Variants in OAS1 observed in about 807,000 individuals in gnomAD.
OAS1 encodes 2'-5'-oligoadenylate synthase 1.
A neutral mutation model predicts 38.5 loss-of-function variants in OAS1; 24 were observed. That is an observed-to-expected ratio of 0.62 (90% CI 0.45 to 0.88). The LOEUF (loss-of-function observed/expected upper bound fraction) is 0.88, where lower values mean the gene tolerates loss of function less well. Ranked by LOEUF, OAS1 falls within the 40% of genes least tolerant of loss-of-function variation. The probability of loss-of-function intolerance (pLI) is 0.00; values close to 1 mark genes in which losing one functional copy is unlikely to be tolerated. For synonymous variants in OAS1, 169 were observed against 193.9 expected, an observed-to-expected ratio of 0.87 and a Z score of 1.07; for missense variants, 482 against 493.9, an observed-to-expected ratio of 0.98 and a Z score of 0.23.
chr12:112,919,325 C>A, intron 5 of OAS1, 64 bp from the exon 6 acceptor site: 1 of 1,442,570 alleles, frequency 6.9e-7, no homozygotes, highest in African/African-American at 1.4e-5. Flanking sequence ...ACCGTAAATG[C>A]TCACTGAATC....
chr12:112,918,623 G>A (rs1174364480), intron 5 of OAS1: 3 of 455,724 alleles, frequency 6.6e-6, no homozygotes, highest in South Asian at 4.7e-5. Context: ...GAGAGGTGAG[G>A]TCACTTGCTC....
chr12:112,919,596 A>G lies in OAS1; in HGVS notation c.*43A>G, dbSNP rs1354251677. 4 of 1,613,970 alleles carry G rather than the reference A, an allele frequency of 2.5e-6. No homozygotes were observed. Among genetic ancestry groups the G allele is most frequent in the Non-Finnish European group, 3.4e-6 (4 of 1,180,006 alleles). On this transcript the variant is annotated 3_prime_UTR_variant, in exon 6 of 6. Transcript: ENST00000202917. ...GGGAAAGGGCTCCAGTGTTATCTGGACCAGTTCCTTCATTTTCAGGTGGGA... is the reference window on the plus strand; with the variant it reads ...GGGAAAGGGCTCCAGTGTTATCTGGGCCAGTTCCTTCATTTTCAGGTGGGA...
At chr12:112,920,296 CAT>C (rs2043521367), downstream of OAS1, among the ~76,000 whole-genome samples, 1 of 152,190 alleles carries the variant, frequency 6.6e-6, no homozygotes, top group African/African-American at 2.4e-5. Context: ...CCACTAGCCA[CAT>C]GTATCAAATG....
chr12:112,917,582 A>T lies in OAS1; in HGVS notation c.920A>T (p.Asn307Ile), dbSNP rs146339735. 416 of 1,614,156 alleles carry T rather than the reference A, an allele frequency of 2.6e-4. No homozygotes were observed. Among genetic ancestry groups the T allele is most frequent in the Middle Eastern group, 1.2e-3 (7 of 6,060 alleles). Residue 307 changes from asparagine (N) to isoleucine (I), a missense_variant, in exon 5 of 6, where the codon AAC (asparagine) becomes ATC (isoleucine). Transcript: ENST00000202917. Reference protein sequence around the residue: ...VILDPADPTGNLGGGDPKGWR... With the variant: ...VILDPADPTGILGGGDPKGWR... Reference sequence around the variant, plus strand: ...CTGGACCCGGCGGACCCTACAGGAAACTTGGGTGGTGGAGACCCAAAGGGT... The same window carrying T: ...CTGGACCCGGCGGACCCTACAGGAATCTTGGGTGGTGGAGACCCAAAGGGT...
chr12:112,929,391 T>C (rs2043583372), intron 6 of OAS1, among the ~76,000 whole-genome samples: 1 of 152,088 alleles, frequency 6.6e-6, no homozygotes, highest in African/African-American at 2.4e-5. Flanking sequence ...GGCAATCTCT[T>C]TGCCAAACAT....
intron 6 of OAS1, among the ~76,000 whole-genome samples, chr12:112,925,402 C>T (rs923036267): frequency 2.0e-5 from 3 of 152,212 alleles, no homozygotes; most frequent in African/African-American, 7.2e-5. Flanking sequence ...CCCCAAACTT[C>T]CCTTCAGGCA....
intron 4 of OAS1, among the ~76,000 whole-genome samples, 166 bp from the exon 5 acceptor site, chr12:112,917,381 C>T (rs183719594): frequency 1.4e-3 from 214 of 152,336 alleles, no homozygotes; most frequent in Admixed American, 0.012. Context: ...CTCATGCTCA[C>T]TGCCTGCTGG....
Position 112,908,705 on chromosome 12 carries a change from T to C in OAS1, c.350T>C (p.Val117Ala), listed in dbSNP as rs778421230. 1.2e-6 allele frequency: 2 copies of C among 1,614,150 alleles called. No homozygotes were observed. The highest frequency in any genetic ancestry group is 1.7e-6 in the Non-Finnish European group (2 of 1,180,028). The part of the protein sequence containing the change: ...EACQRERAFS[V>A]KFEVQAPRWG... ...TGTCAAAGAGAGAGAGCATTTTCCG[T>C]GAAGTTTGAGGTCCAGGCTCCACGC... is the stretch of plus-strand genomic sequence containing the variant. Residue 117 changes from valine to alanine, a missense_variant, in exon 2 of 6, where the codon GTG becomes GCG. Coordinates refer to ENST00000202917, the MANE Select transcript of OAS1 (RefSeq NM_016816.4).
At chr12:112,918,026 A>C in intron 5 of OAS1, 2 of 961,678 alleles carry the variant, frequency 2.1e-6, no homozygotes, top group East Asian at 4.2e-5. Context: ...AGTCACAACA[A>C]TCCCATGAGG....
chr12:112,912,063 C>T (rs540564325), intron 3 of OAS1, among the ~76,000 whole-genome samples: 12 of 152,274 alleles, frequency 7.9e-5, no homozygotes, highest in South Asian at 4.2e-4. Flanking sequence ...TTTGGCTGGG[C>T]GCGGTAGCTC....
In OAS1 at chr12:112,926,567, G is replaced by A. The variant is rs2043559488; in HGVS notation, c.1168-5311G>A. 2.0e-5 allele frequency among the ~76,000 whole-genome samples: 3 copies of A among 152,234 alleles called. No individual in the cohort carries two copies. The South Asian group carries it at 6.2e-4, about 32-fold the overall frequency. On this transcript the variant is annotated intron_variant, in intron 6 of 6. Coordinates refer to the OAS1 transcript ENST00000540589. The stretch of plus-strand genomic sequence containing the variant: ...TTTTATTAGCAATCTTCAAAGGGAG[G>A]AAATGTACATATAGGGTGTGGGTCA...
rs1168417591 is a variant in OAS1, at chr12:112,911,900, A to T, written c.654+665A>T. 2.6e-5 allele frequency among the ~76,000 whole-genome samples: 4 copies of T among 152,250 alleles called. 1 individual carries two copies. In the South Asian group the frequency reaches 6.2e-4, roughly 24 times the overall value. On this transcript the variant is annotated intron_variant, in intron 3 of 5. Transcript: ENST00000202917. ...TTCTGTTCACTTTTAAATGCCCTGCATCTTAGTCAATTTTAACAGTGATTC... is the reference window on the plus strand; with the variant it reads ...TTCTGTTCACTTTTAAATGCCCTGCTTCTTAGTCAATTTTAACAGTGATTC...
At chr12:112,921,832 A>T (rs2043531435), downstream of OAS1, among the ~76,000 whole-genome samples, 1 of 152,194 alleles carries the variant, frequency 6.6e-6, no homozygotes, top group South Asian at 2.1e-4. Context: ...GGGAGGTGGC[A>T]GTTTCAAAGG....
At chr12:112,929,702 A>G (rs920852902) in intron 6 of OAS1, among the ~76,000 whole-genome samples, 1 of 152,192 alleles carries the variant, frequency 6.6e-6, no homozygotes, top group Non-Finnish European at 1.5e-5. Flanking sequence ...TAATTAGCCC[A>G]AAGTCACACA....
At chr12:112,919,110 GC>G in intron 5 of OAS1, 1 of 383,674 alleles carries the variant, frequency 2.6e-6, no homozygotes, top group Non-Finnish European at 4.8e-6. Flanking sequence ...GACAGAGGTG[GC>G]CAGGCTTCTA....
chr12:112,914,520 T>G (rs2043427137), intron 3 of OAS1, among the ~76,000 whole-genome samples: 1 of 152,228 alleles, frequency 6.6e-6, no homozygotes, highest in African/African-American at 2.4e-5. Flanking sequence ...ATCTCCACAC[T>G]GTTTTCCATA....
chr12:112,917,551 G>A lies in OAS1; in HGVS notation c.889G>A (p.Val297Met). Residue 297 changes from valine (V) to methionine (M), a missense_variant, in exon 5 of 6, where the codon GTG becomes ATG. By Grantham distance (21) the Val-to-Met change is conservative (BLOSUM62 1). Coordinates refer to ENST00000202917, the MANE Select transcript of OAS1 (RefSeq NM_016816.4). ...TCTCTAAATGCTGCTCTGCAGGCCT[G>A]TGATCCTGGACCCGGCGGACCCTAC... ...LRRQLTKPRPVILDPADPTGN... is the reference protein window; with the variant it reads ...LRRQLTKPRPMILDPADPTGN... 6.2e-7 allele frequency: 1 copy of A among 1,614,152 alleles called. No individual in the cohort carries two copies. The highest frequency in any genetic ancestry group is 8.5e-7 in the Non-Finnish European group (1 of 1,180,038).
downstream of OAS1, among the ~76,000 whole-genome samples, chr12:112,924,499 T>C (rs533160951): frequency 6.6e-6 from 1 of 152,096 alleles, no homozygotes; most frequent in South Asian, 2.1e-4. Context: ...TTGATGATTC[T>C]GATCCATGAA....
chr12:112,907,343 A>G (rs2136291861), intron 1 of OAS1, 124 bp downstream of exon 1: 2 of 849,724 alleles, frequency 2.4e-6, no homozygotes, highest in Non-Finnish European at 3.7e-6. Context: ...GTGAGTACAG[A>G]GAGCTGAGAT....
Sources: gnomAD v4.1 joint callset for allele counts (sites outside exome capture counted in the v4.1 genomes callset) on GRCh38, gnomAD v4.1.1 for gene constraint, MANE v1.5 for transcripts, NCBI Gene and HGNC (gene_info 2026-07-23, HGNC 2026-07-21) for gene names.